The following CBL variants were observed in gnomAD, a reference collection of about 807,000 sequenced individuals.
CBL encodes Cbl proto-oncogene, also known as E3 ubiquitin-protein ligase CBL.
In CBL, 45 loss-of-function variants were observed where a neutral mutation model predicts 96.9. The ratio of observed to expected loss-of-function variants is 0.46; its 90% confidence interval spans 0.37 to 0.60. The LOEUF is 0.60. CBL is among the 20% of genes least tolerant of loss of function. The probability of loss-of-function intolerance (pLI) is 0.00; values close to 1 mark genes in which losing one functional copy is unlikely to be tolerated. For synonymous variants in CBL, 420 were observed against 426.8 expected (o/e 0.98, Z 0.20); for missense variants, 1,024 against 1,143.5 (o/e 0.90, Z 1.51).
intron 2 of CBL, among the ~76,000 whole-genome samples, chr11:119,239,324 C>G (rs995062324): frequency 1.3e-5 from 2 of 152,074 alleles, no homozygotes; most frequent in Non-Finnish European, 2.9e-5. Context: ...TTTCAGTGTT[C>G]AAGTTTTTTG....
chr11:119,258,447 C>G (rs114859660), intron 2 of CBL, among the ~76,000 whole-genome samples: 3 of 151,922 alleles, frequency 2.0e-5, no homozygotes, highest in African/African-American at 7.3e-5. Context: ...TACACACTTT[C>G]AAAGGACCAG....
At chr11:119,283,880 AC>A (rs1174252834) in intron 9 of CBL, among the ~76,000 whole-genome samples, 1 of 150,812 alleles carries the variant, frequency 6.6e-6, no homozygotes, top group Non-Finnish European at 1.5e-5. Flanking sequence ...CTCGTGATCC[AC>A]CCGCCTCAGC....
intron 1 of CBL, among the ~76,000 whole-genome samples, chr11:119,213,690 G>A (rs1177130855): frequency 6.6e-6 from 1 of 152,092 alleles, no homozygotes; most frequent in East Asian, 1.9e-4. Flanking sequence ...TTGAGACCAA[G>A]TGCCTATTTT....
chr11:119,206,482 C>A lies in CBL; in HGVS notation c.65C>A (p.Ser22Ter). 6.4e-7 allele frequency: 1 copy of A among 1,573,958 alleles called. No individual in the cohort carries two copies. The highest frequency in any genetic ancestry group is 2.3e-5 in the East Asian group (1 of 43,266). Residue 22 changes from serine (S) to a stop codon, truncating the protein, a stop_gained, in exon 1 of 16, where the codon TCG becomes TAG. Transcript: ENST00000264033. LOFTEE classifies it high-confidence loss of function. ...GGGSGSGGSG[S>*]GGLIGLMKDA... is the part of the protein sequence containing the mutation. ...GGCAGCGGCTCCGGGGGCTCGGGTT[C>A]GGGTGGCCTGATTGGGCTCATGAAG...
Position 119,307,952 on chromosome 11 carries a change from T to C in CBL, c.*8171T>C, listed in dbSNP as rs563554776. On this transcript the variant is annotated 3_prime_UTR_variant, in exon 16 of 16. Coordinates refer to ENST00000264033, the MANE Select transcript of CBL (RefSeq NM_005188.4). ...AGAAGGTAAATATTCTTACAGAGAA[T>C]AGCAGAGCTTTAAGATTCATTTTCA... 1 of 196,214 alleles carries C rather than the reference T, an allele frequency of 5.1e-6. No homozygotes were observed. Among genetic ancestry groups the C allele is most frequent in the African/African-American group, 2.3e-5 (1 of 43,300 alleles). 12.2% of individuals were successfully genotyped at this position (196,214 alleles called of 1,614,324 possible).
intron 2 of CBL, among the ~76,000 whole-genome samples, chr11:119,269,964 T>C (rs1949830685): frequency 6.6e-6 from 1 of 151,960 alleles, no homozygotes; most frequent in South Asian, 2.1e-4. Flanking sequence ...GCCACTGCAC[T>C]CCAGCCCAGG....
intron 14 of CBL, among the ~76,000 whole-genome samples, chr11:119,298,073 T>C (rs1950075694): frequency 6.6e-6 from 1 of 152,216 alleles, no homozygotes; most frequent in African/African-American, 2.4e-5. Context: ...TAGAAATGTT[T>C]ATTGAATGAT....
rs186556432 is a variant in CBL at position 119,275,211 on chromosome 11, C to A, written c.869+258C>A. 5.7e-3 allele frequency among the ~76,000 whole-genome samples: 865 copies of A among 151,362 alleles called. 8 individuals are homozygous for A. Among genetic ancestry groups the A allele is most frequent in the South Asian group, 0.016 (77 of 4,768 alleles). ...ATCCCAGCACTTTGGGAGGCCGAGG[C>A]GGGCAGATCACGAGGTCAGGAGTTT... is the stretch of plus-strand genomic sequence containing the variant. On this transcript the variant is annotated intron_variant, in intron 5 of 15. Transcript: ENST00000264033.
intron 12 of CBL, among the ~76,000 whole-genome samples, chr11:119,292,534 C>T (rs1950035176): frequency 6.6e-6 from 1 of 152,126 alleles, no homozygotes; most frequent in Non-Finnish European, 1.5e-5. Flanking sequence ...CATTCTCCTG[C>T]CTCAGCCTCC....
chr11:119,289,519 C>A (rs1309724635), intron 12 of CBL: 1 of 151,558 alleles, frequency 6.6e-6, no homozygotes, highest in South Asian at 2.1e-4. Flanking sequence ...ATTTGCATAA[C>A]CTCTGTATTA....
At position 119,300,980 on chromosome 11, in the gene CBL, G is replaced by A. The variant is rs753824048; in HGVS notation, c.*1199G>A. 1 of 235,916 alleles carries A rather than the reference G, an allele frequency of 4.2e-6. No homozygotes were observed. Among genetic ancestry groups the A allele is most frequent in the South Asian group, 1.8e-4 (1 of 5,552 alleles). 14.6% of individuals were successfully genotyped at this position (235,916 alleles called of 1,614,324 possible). ...TTCATTTGAACATGAGGAATATTAG[G>A]TTATATTTTCAGCAGTGGTTTTTTC... On this transcript the variant is annotated 3_prime_UTR_variant, in exon 16 of 16. Transcript: ENST00000264033.
At chr11:119,215,826 C>T (rs1203995901) in intron 1 of CBL, among the ~76,000 whole-genome samples, 1 of 146,856 alleles carries the variant, frequency 6.8e-6, no homozygotes, top group African/African-American at 2.5e-5. Flanking sequence ...GACTCTGTCT[C>T]AAAAAAGAAA....
At chr11:119,260,312 C>T (rs1469329231) in intron 2 of CBL, among the ~76,000 whole-genome samples, 4 of 150,398 alleles carry the variant, frequency 2.7e-5, no homozygotes, top group East Asian at 2.0e-4. Context: ...GGTGCAATCT[C>T]GGCTCACTGC....
chr11:119,208,458 C>T (rs1281115178), intron 1 of CBL, among the ~76,000 whole-genome samples: 1 of 151,324 alleles, frequency 6.6e-6, no homozygotes, highest in East Asian at 1.9e-4. Context: ...GGTGCGATCT[C>T]GACTCACTGC....
rs188977299 is a variant in CBL at position 119,261,477 on chromosome 11, C to T, written c.444-10258C>T. Among the ~76,000 whole-genome samples, 151 of 152,240 alleles carry T rather than the reference C, an allele frequency of 9.9e-4. 1 individual carries two copies. The highest frequency in any genetic ancestry group is 3.5e-3 in the African/African-American group (144 of 41,544). ...TGATTAGATTCTATTAGTGCTGTCT[C>T]AGTATAATTTGTATCTGTATATTTT... On this transcript the variant is annotated intron_variant, in intron 2 of 15. Transcript: ENST00000264033.
At position 119,300,143 on chromosome 11, in the gene CBL, CGTGTGT is replaced by C; in HGVS notation, c.*371_*376del. ...AGACTTCCTGGGTTAAGGATGTGGC[CGTGTGT>C]GTGTGTGTCTGCCTGTGGTTGTATG... On this transcript the variant is annotated 3_prime_UTR_variant, in exon 16 of 16. Coordinates refer to ENST00000264033, the MANE Select transcript of CBL (RefSeq NM_005188.4). 1 of 491,678 alleles carries C rather than the reference CGTGTGT, an allele frequency of 2.0e-6. No individual in the cohort carries two copies. The highest frequency in any genetic ancestry group is 3.6e-6 in the Non-Finnish European group (1 of 277,350). The allele number at this position is 491,678 out of a possible 1,614,324, so 30.5% of individuals were successfully genotyped here. A position where few individuals can be genotyped will look rare whatever the true frequency, so the allele number is the denominator to read the frequency against.
intron 2 of CBL, among the ~76,000 whole-genome samples, chr11:119,238,018 T>C (rs1592379897): frequency 6.6e-6 from 1 of 151,462 alleles, no homozygotes; most frequent in East Asian, 2.0e-4. Context: ...ATTACAGGTG[T>C]GCACCAACAA....
chr11:119,274,882 T>G lies in CBL; in HGVS notation c.798T>G (p.Pro266=), dbSNP rs1949876363. The G allele has an allele frequency of 1.9e-6, 3 of 1,613,528 alleles. No individual in the cohort carries two copies. The highest frequency in any genetic ancestry group is 2.5e-6 in the Non-Finnish European group (3 of 1,179,648). ...RNWNSLAVTH[P]GYMAFLTYDE... ...GGAACAGCCTTGCTGTAACTCATCC[T>G]GGCTACATGGCTTTTTTGACGTATG... The change falls in exon 5 of 16, where the codon CCT becomes CCG. Residue 266 remains proline, a synonymous_variant. Coordinates refer to ENST00000264033, the MANE Select transcript of CBL (RefSeq NM_005188.4).
intron 11 of CBL, among the ~76,000 whole-genome samples, chr11:119,286,353 A>G (rs1028182376): frequency 1.3e-4 from 20 of 152,234 alleles, no homozygotes; most frequent in African/African-American, 4.8e-4. Context: ...TAAATATTGC[A>G]GTAAATGTCC....
Sources: allele counts gnomAD v4.1 joint callset (sites outside exome capture counted in the v4.1 genomes callset), GRCh38; gene constraint gnomAD v4.1.1; transcripts MANE v1.5; gene names NCBI Gene and HGNC (gene_info 2026-07-23, HGNC 2026-07-21).